ERBB3: variants seen among roughly 807,000 people sequenced by gnomAD.
The protein encoded by ERBB3 is erb-b2 receptor tyrosine kinase 3, also known as receptor tyrosine-protein kinase erbB-3.
Under a neutral mutation model 156.7 loss-of-function variants are expected in ERBB3, and 96 were observed. That is an observed-to-expected ratio of 0.61 (90% CI 0.52 to 0.73). The LOEUF is 0.73. ERBB3 is among the 30% of genes least tolerant of loss of function. The probability of loss-of-function intolerance (pLI) is 0.00; values close to 1 mark genes in which losing one functional copy is unlikely to be tolerated. For missense variants in ERBB3, 1,406 were observed against 1,709.4 expected (o/e 0.82, Z 3.13); for synonymous variants, 567 against 632.0 (o/e 0.90, Z 1.54).
Position 56,095,656 on chromosome 12 carries a change from A to G in ERBB3, c.1914-9A>G. ...CCAGGATAATGTTGGGTTTCTATAT[A>G]TCCCATAGCAAAACCCATCTGACAA... On this transcript the variant is annotated splice_polypyrimidine_tract_variant and intron_variant, in intron 16 of 27. Coordinates refer to ENST00000267101, the MANE Select transcript of ERBB3 (RefSeq NM_001982.4). 6.2e-7 allele frequency: 1 copy of G among 1,614,118 alleles called. No homozygotes were observed. Among genetic ancestry groups the G allele is most frequent in the African/African-American group, 1.3e-5 (1 of 75,048 alleles).
chr12:56,101,768 A>G lies in ERBB3; in HGVS notation c.3742A>G (p.Ile1248Val), dbSNP rs962891041. Reference sequence around the variant, plus strand: ...GAGTTGCCCACTCCACCCTGTACCCATCATGCCCACTGCAGGCACAACTCC... The same window carrying G: ...GAGTTGCCCACTCCACCCTGTACCCGTCATGCCCACTGCAGGCACAACTCC... ...TQSCPLHPVP[I>V]MPTAGTTPDE... Residue 1248 changes from isoleucine to valine, a missense_variant, in exon 28 of 28, where the codon ATC becomes GTC. By Grantham distance (29) the Ile-to-Val change is conservative. Coordinates refer to ENST00000267101, the MANE Select transcript of ERBB3 (RefSeq NM_001982.4). 4 of 1,613,662 alleles carry G rather than the reference A, an allele frequency of 2.5e-6. No individual in the cohort carries two copies. The highest frequency in any genetic ancestry group is 1.1e-5 in the South Asian group (1 of 91,058).
rs201663351 is a variant in ERBB3, at chr12:56,093,062, C to A, written c.1260C>A (p.Gly420=). 6.2e-7 allele frequency: 1 copy of A among 1,612,858 alleles called. No homozygotes were observed. The highest frequency in any genetic ancestry group is 8.5e-7 in the Non-Finnish European group (1 of 1,178,862). The part of the protein sequence containing the change: ...SVFSNLTTIG[G]RSLYNRGFSL... Reference sequence around the variant, plus strand: ...TTTCCAATTTGACAACCATTGGAGGCAGAAGCCTCTACAAGTGAGTAAAGG... The same window carrying A: ...TTTCCAATTTGACAACCATTGGAGGAAGAAGCCTCTACAAGTGAGTAAAGG... The change falls in exon 11 of 28, where the codon GGC becomes GGA. Residue 420 remains glycine, a synonymous_variant. Transcript: ENST00000267101.
At chr12:56,094,585 G>A (rs778747536) in intron 15 of ERBB3, 29 bp downstream of exon 15, 1 of 1,611,934 alleles carries the variant, frequency 6.2e-7, no homozygotes, top group Non-Finnish European at 8.5e-7. Flanking sequence ...AGGAGAGGGG[G>A]TCAGGTGGAA....
Position 56,098,880 on chromosome 12 carries a change from T to C in ERBB3, c.2814T>C (p.Ile938=). 1 of 1,614,018 alleles carries C rather than the reference T, an allele frequency of 6.2e-7. No homozygotes were observed. Among genetic ancestry groups the C allele is most frequent in the Admixed American group, 1.7e-5 (1 of 60,014 alleles). ...ERLAQPQICT[I]DVYMVMVKCW... ...TGGCACAGCCCCAGATCTGCACAATTGATGTCTACATGGTGATGGTCAAGT... is the reference window on the plus strand; with the variant it reads ...TGGCACAGCCCCAGATCTGCACAATCGATGTCTACATGGTGATGGTCAAGT... The change falls in exon 23 of 28, where the codon ATT becomes ATC. Residue 938 remains isoleucine (I), a synonymous_variant. Coordinates refer to ENST00000267101, the MANE Select transcript of ERBB3 (RefSeq NM_001982.4).
Position 56,101,078 on chromosome 12 carries a change from G to A in ERBB3, c.3219G>A (p.Gly1073=), listed in dbSNP as rs369994613. The A allele has an allele frequency of 8.1e-6, 13 of 1,613,792 alleles. No individual in the cohort carries two copies. The highest frequency in any genetic ancestry group is 2.7e-5 in the African/African-American group (2 of 74,826). The change falls in exon 27 of 28, where the codon GGG becomes GGA. Residue 1073 remains glycine, a synonymous_variant. Coordinates refer to ENST00000267101, the MANE Select transcript of ERBB3 (RefSeq NM_001982.4). ...GESCQESAVS[G]SSERCPRPVS... The stretch of plus-strand genomic sequence containing the variant: ...TTCCTTAGGAGTCTGCAGTTTCTGG[G>A]AGCAGTGAACGGTGCCCCCGTCCAG...
At chr12:56,095,948 A>G (rs1369291551) in intron 17 of ERBB3, 142 bp downstream of exon 17, 1 of 867,624 alleles carries the variant, frequency 1.2e-6, no homozygotes, top group East Asian at 2.5e-5. Flanking sequence ...CTTTCCCCAG[A>G]GATTTGATCC....
chr12:56,096,265 G>A, intron 17 of ERBB3: 1 of 583,526 alleles, frequency 1.7e-6, no homozygotes, highest in Non-Finnish European at 3.1e-6. Context: ...CCCACTTTGT[G>A]CTCCTCCATC....
At chr12:56,090,665 C>T (rs900309882) in intron 9 of ERBB3, among the ~76,000 whole-genome samples, 5 of 151,718 alleles carry the variant, frequency 3.3e-5, no homozygotes, top group Non-Finnish European at 7.4e-5. Context: ...ATACCACATA[C>T]GCTTTATCAC....
chr12:56,094,592 G>C (rs747978213), intron 15 of ERBB3, 36 bp downstream of exon 15: 5 of 1,608,668 alleles, frequency 3.1e-6, no homozygotes, highest in Middle Eastern at 2.0e-4. Flanking sequence ...GGGGTCAGGT[G>C]GAAGGGTAGG....
intron 16 of ERBB3, 106 bp downstream of exon 16, chr12:56,095,416 T>A: frequency 9.9e-7 from 1 of 1,007,150 alleles, no homozygotes; most frequent in Non-Finnish European, 1.6e-6. Context: ...GCCTTTTATG[T>A]ATGCAGTCCA....
At chr12:56,091,558 G>A (rs1592228472) in intron 9 of ERBB3, among the ~76,000 whole-genome samples, 2 of 150,774 alleles carry the variant, frequency 1.3e-5, no homozygotes, top group South Asian at 2.1e-4. Flanking sequence ...GGATGGTCTC[G>A]AACTCATGAG....
chr12:56,094,269 G>A (rs143032007), intron 14 of ERBB3, 80 bp downstream of exon 14: 1 of 1,450,576 alleles, frequency 6.9e-7, no homozygotes, highest in Non-Finnish European at 9.7e-7. Flanking sequence ...ATATGGCTAA[G>A]GATAGCACAG....
At chr12:56,090,161 G>A (rs193234216) in intron 9 of ERBB3, among the ~76,000 whole-genome samples, 7 of 151,754 alleles carry the variant, frequency 4.6e-5, no homozygotes, top group South Asian at 2.1e-4. Context: ...CATCATGCCC[G>A]GCTAATTTTT....
chr12:56,083,852 A>T lies in ERBB3; in HGVS notation c.184A>T (p.Asn62Tyr). ...CGAGAGGTGTGAGGTGGTGATGGGG[A>T]ACCTTGAGATTGTGCTCACGGGACA... is the stretch of plus-strand genomic sequence containing the variant. The part of the protein sequence containing the change: ...LYERCEVVMG[N>Y]LEIVLTGHNA... Residue 62 changes from asparagine to tyrosine, a missense_variant, in exon 2 of 28, where the codon AAC becomes TAC. Physicochemically the swap from Asn to Tyr is moderately radical, Grantham distance 143 (BLOSUM62 -2). Coordinates refer to ENST00000267101, the MANE Select transcript of ERBB3 (RefSeq NM_001982.4). The T allele has an allele frequency of 6.2e-7, 1 of 1,613,992 alleles. No individual in the cohort carries two copies. The highest frequency in any genetic ancestry group is 8.5e-7 in the Non-Finnish European group (1 of 1,179,980).
intron 23 of ERBB3, 42 bp downstream of exon 23, chr12:56,098,947 TTTTTTTTC>T (rs773688464): frequency 3.2e-6 from 5 of 1,544,570 alleles, no homozygotes; most frequent in Non-Finnish European, 4.4e-6. Context: ...CTTTTTTTCT[TTTTTTTTC>T]TTTTTTTTTT....
In ERBB3 at chr12:56,096,790, T is replaced by G; in HGVS notation, c.2218T>G (p.Cys740Gly). Reference sequence around the variant, plus strand: ...GGGTGAATCAATCAAGATTCCAGTCTGCATTAAAGTCATTGAGGACAAGAG... The same window carrying G: ...GGGTGAATCAATCAAGATTCCAGTCGGCATTAAAGTCATTGAGGACAAGAG... ...PEGESIKIPV[C>G]IKVIEDKSGR... The change falls in exon 19 of 28, where the codon TGC becomes GGC. Residue 740 changes from cysteine to glycine, a missense_variant. By Grantham distance (159) the Cys-to-Gly change is radical. This residue lies in a region of ERBB3 where 979 missense variants were observed against 1,219.6 expected (regional missense o/e 0.80). Coordinates refer to ENST00000267101, the MANE Select transcript of ERBB3 (RefSeq NM_001982.4). The G allele has an allele frequency of 6.2e-7, 1 of 1,614,140 alleles. No individual in the cohort carries two copies.
At chr12:56,088,508 C>A (rs2136796524) in intron 7 of ERBB3, 35 bp from the exon 8 acceptor site, 1 of 1,472,686 alleles carries the variant, frequency 6.8e-7, no homozygotes, top group Non-Finnish European at 9.5e-7. Context: ...ATGTTCCTCC[C>A]TCATCTCTAA....
Position 56,101,869 on chromosome 12 carries a change from C to A in ERBB3, c.3843C>A (p.Ala1281=), listed in dbSNP as rs1187890441. The change falls in exon 28 of 28, where the codon GCC becomes GCA. Residue 1281 remains alanine, a synonymous_variant. Transcript: ENST00000267101. ...GGGGTGATTATGCAGCCATGGGGGC[C>A]TGCCCAGCATCTGAGCAAGGGTATG... ...GPGGDYAAMG[A]CPASEQGYEE... 2 of 1,613,444 alleles carry A rather than the reference C, an allele frequency of 1.2e-6. No individual in the cohort carries two copies. The highest frequency in any genetic ancestry group is 2.7e-5 in the African/African-American group (2 of 74,696).
In ERBB3 at chr12:56,085,031, A is replaced by G. The variant is rs1868429295; in HGVS notation, c.271A>G (p.Met91Val). 1 of 1,614,020 alleles carries G rather than the reference A, an allele frequency of 6.2e-7. No individual in the cohort carries two copies. The highest frequency in any genetic ancestry group is 8.5e-7 in the Non-Finnish European group (1 of 1,180,038). ...AGTGACAGGCTATGTCCTCGTGGCC[A>G]TGAATGAATTCTCTACTCTACCATT... ...REVTGYVLVA[M>V]NEFSTLPLPN... The change falls in exon 3 of 28, where the codon ATG becomes GTG. Residue 91 changes from methionine (M) to valine (V), a missense_variant. By Grantham distance (21) the Met-to-Val change is conservative (BLOSUM62 1). Coordinates refer to ENST00000267101, the MANE Select transcript of ERBB3 (RefSeq NM_001982.4).
Sources: gnomAD v4.1 joint callset for allele counts (sites outside exome capture counted in the v4.1 genomes callset) on GRCh38, gnomAD v4.1.1 for gene constraint, gnomAD v4.1.1 regional missense constraint, MANE v1.5 for transcripts, NCBI Gene and HGNC (gene_info 2026-07-23, HGNC 2026-07-21) for gene names.